Variants in IL1RAPL1 observed in about 807,000 individuals in gnomAD.
IL1RAPL1 encodes interleukin 1 receptor accessory protein like 1.
In IL1RAPL1, 3 loss-of-function variants were observed where a neutral mutation model predicts 48.4. That is an observed-to-expected ratio of 0.06 (90% confidence interval 0.03 to 0.16). IL1RAPL1 has a LOEUF of 0.16. IL1RAPL1 is among the 10% of genes least tolerant of loss of function. The pLI is 1.00. For missense variants in IL1RAPL1, 349 were observed against 530.6 expected (o/e 0.66, Z 3.36); for synonymous variants, 185 against 187.7 (o/e 0.99, Z 0.12).
At chrX:29,312,910 T>G (rs1332792532) in intron 3 of IL1RAPL1, among the ~76,000 whole-genome samples, 1 of 111,482 alleles carries the variant, frequency 9.0e-6, no homozygotes, top group Non-Finnish European at 1.9e-5. Context: ...TTATTCTCTC[T>G]TGCCACCATG....
At chrX:29,338,945 A>G (rs1370556663) in intron 3 of IL1RAPL1, among the ~76,000 whole-genome samples, 1 of 110,515 alleles carries the variant, frequency 9.0e-6, no homozygotes, top group African/African-American at 3.3e-5. Flanking sequence ...CTAGTGGCTA[A>G]GGGGATATGT....
At chrX:29,428,308 G>A (rs762772431) in intron 5 of IL1RAPL1, among the ~76,000 whole-genome samples, 19 of 111,859 alleles carry the variant, frequency 1.7e-4, no homozygotes, top group African/African-American at 4.2e-4. Flanking sequence ...GAGTTTAAAG[G>A]TTTGCAGTAG....
At chrX:29,149,837 C>T (rs1313509282) in intron 2 of IL1RAPL1, among the ~76,000 whole-genome samples, 1 of 111,783 alleles carries the variant, frequency 8.9e-6, no homozygotes, top group Non-Finnish European at 1.9e-5. Flanking sequence ...TTGTGATGTA[C>T]TTTATGCAGG....
intron 1 of IL1RAPL1, among the ~76,000 whole-genome samples, chrX:28,747,228 A>G (rs1157263901): frequency 9.0e-6 from 1 of 110,897 alleles, no homozygotes; most frequent in Non-Finnish European, 1.9e-5. Flanking sequence ...TTATAATACT[A>G]TTTTCTTCTT....
At chrX:29,110,335 T>C (rs1400030029) in intron 2 of IL1RAPL1, among the ~76,000 whole-genome samples, 2 of 112,050 alleles carry the variant, frequency 1.8e-5, no homozygotes, top group Admixed American at 1.9e-4. Flanking sequence ...TCTCCTCCCG[T>C]TTCCTTCTCC....
intron 2 of IL1RAPL1, among the ~76,000 whole-genome samples, chrX:29,110,433 A>G (rs1265249148): frequency 1.8e-5 from 2 of 111,881 alleles, no homozygotes; most frequent in Non-Finnish European, 1.9e-5. Flanking sequence ...ATTGTACTGA[A>G]GTCTGTTAAA....
At chrX:29,085,988 G>T (rs1164036146) in intron 2 of IL1RAPL1, among the ~76,000 whole-genome samples, 1 of 112,147 alleles carries the variant, frequency 8.9e-6, no homozygotes, top group African/African-American at 3.2e-5. Flanking sequence ...AGAGCCACCA[G>T]TTCATCATTC....
chrX:28,985,860 T>C (rs986107983), intron 2 of IL1RAPL1, among the ~76,000 whole-genome samples: 10 of 110,220 alleles, frequency 9.1e-5, no homozygotes, highest in Non-Finnish European at 1.3e-4. Flanking sequence ...GGGGTTTCAC[T>C]GTGTTAGCCA....
At chrX:29,252,373 G>T (rs186929689) in intron 2 of IL1RAPL1, among the ~76,000 whole-genome samples, 1 of 113,849 alleles carries the variant, frequency 8.8e-6, no homozygotes, top group East Asian at 2.7e-4. Context: ...TTGATCACTA[G>T]ATTTCTCTAT....
At chrX:29,899,069 A>G (rs985283080) in intron 6 of IL1RAPL1, among the ~76,000 whole-genome samples, 4 of 110,841 alleles carry the variant, frequency 3.6e-5, no homozygotes, top group Admixed American at 9.7e-5. Flanking sequence ...CAAGTGAAAA[A>G]CTTCCCAATA....
rs775507456 is a variant in IL1RAPL1 at position 29,384,065 on chromosome X, T to C, written c.363-12193T>C. Among the ~76,000 whole-genome samples, 4 of 112,436 alleles carry C rather than the reference T, an allele frequency of 3.6e-5. No individual in the cohort carries two copies. The East Asian group carries it at 8.3e-4, about 23-fold the overall frequency. ...ACCTCATGGGAGACTTCTAGGAATT[T>C]ATATATAATGTGGATTAAACACTTA... On this transcript the variant is annotated intron_variant, in intron 3 of 10. Coordinates refer to ENST00000378993, the MANE Select transcript of IL1RAPL1 (RefSeq NM_014271.4).
intron 2 of IL1RAPL1, among the ~76,000 whole-genome samples, chrX:29,247,655 G>A (rs1026733164): frequency 4.5e-5 from 5 of 110,812 alleles, no homozygotes; most frequent in East Asian, 2.8e-4. Context: ...GGTGGCGGGC[G>A]CCTATAATCC....
At chrX:28,755,287 C>T (rs1936094299) in intron 1 of IL1RAPL1, among the ~76,000 whole-genome samples, 1 of 112,532 alleles carries the variant, frequency 8.9e-6, no homozygotes, top group African/African-American at 3.2e-5. Context: ...TGAGCCACCA[C>T]ACTTGGCCTC....
chrX:28,872,875 C>G (rs1017544795), intron 2 of IL1RAPL1, among the ~76,000 whole-genome samples: 82 of 111,884 alleles, frequency 7.3e-4, no homozygotes, highest in Non-Finnish European at 4.1e-4. Flanking sequence ...TAGTATTACA[C>G]AAATATTATT....
intron 2 of IL1RAPL1, among the ~76,000 whole-genome samples, chrX:29,221,986 G>A (rs1161665779): frequency 2.1e-5 from 2 of 96,512 alleles, no homozygotes; most frequent in Non-Finnish European, 4.1e-5. Context: ...CTCCAACCTG[G>A]GCGACAGAGT....
intron 2 of IL1RAPL1, among the ~76,000 whole-genome samples, chrX:28,855,921 A>G (rs757085112): frequency 8.9e-6 from 1 of 111,798 alleles, no homozygotes; most frequent in Non-Finnish European, 1.9e-5. Flanking sequence ...ATTGCAATAT[A>G]GTCCATATCT....
chrX:28,665,710 C>G (rs920480417), intron 1 of IL1RAPL1, among the ~76,000 whole-genome samples: 1 of 111,308 alleles, frequency 9.0e-6, no homozygotes, highest in South Asian at 3.8e-4. Flanking sequence ...AGGCTGGTCT[C>G]GAACTCCTGA....
At chrX:28,894,826 A>T (rs1569194760) in intron 2 of IL1RAPL1, among the ~76,000 whole-genome samples, 1 of 111,162 alleles carries the variant, frequency 9.0e-6, no homozygotes. Context: ...CCTAGGAAAG[A>T]AAGGAGTTGT....
intron 2 of IL1RAPL1, among the ~76,000 whole-genome samples, chrX:28,793,111 T>C (rs1936572937): frequency 9.3e-6 from 1 of 107,756 alleles, no homozygotes; most frequent in African/African-American, 3.4e-5. Flanking sequence ...TTTTTTTAGT[T>C]TTTATAAGTA....
Sources: allele counts gnomAD v4.1 joint callset (sites outside exome capture counted in the v4.1 genomes callset), GRCh38; gene constraint gnomAD v4.1.1; transcripts MANE v1.5; gene names NCBI Gene and HGNC (gene_info 2026-07-23, HGNC 2026-07-21).